Variants in MYOM2 observed in about 807,000 individuals in gnomAD.
MYOM2 encodes myomesin 2.
In MYOM2, 254 loss-of-function variants were observed where a neutral mutation model predicts 187.6. The ratio of observed to expected loss-of-function variants is 1.35; its 90% CI spans 1.22 to 1.50. The LOEUF (loss-of-function observed/expected upper bound fraction) is 1.50, where lower values mean the gene tolerates loss of function less well. MYOM2 is among the 40% of genes most tolerant of loss of function. MYOM2 has a pLI of 0.00. For missense variants in MYOM2, 2,796 were observed against 1,924.0 expected (o/e 1.45, Z -8.48); for synonymous variants, 981 against 753.8 (o/e 1.30, Z -4.94).
At chr8:2,081,064 T>G (rs955391440) in intron 13 of MYOM2, among the ~76,000 whole-genome samples, 1 of 142,070 alleles carries the variant, frequency 7.0e-6, no homozygotes, top group African/African-American at 2.7e-5. Flanking sequence ...AGAATGAGGT[T>G]TGGTTCTGAT....
chr8:2,138,765 A>G (rs1465403616), intron 32 of MYOM2, among the ~76,000 whole-genome samples: 4 of 152,136 alleles, frequency 2.6e-5, no homozygotes, highest in African/African-American at 9.7e-5. Flanking sequence ...TTCTAAAACA[A>G]CCGCACATGG....
At chr8:2,109,305 A>G in intron 24 of MYOM2, 90 bp from the exon 25 acceptor site, 1 of 1,377,230 alleles carries the variant, frequency 7.3e-7, no homozygotes, top group East Asian at 2.4e-5. Flanking sequence ...AAATCTAATA[A>G]CTAGGATTGA....
chr8:2,067,681 G>C (rs1260729076), intron 6 of MYOM2, among the ~76,000 whole-genome samples: 2 of 152,238 alleles, frequency 1.3e-5, no homozygotes, highest in Admixed American at 1.3e-4. Context: ...CCATGGATAT[G>C]GGGAAGCAGA....
intron 19 of MYOM2, chr8:2,100,562 G>T (rs2116775663): frequency 3.0e-6 from 1 of 331,412 alleles, no homozygotes; most frequent in South Asian, 4.7e-5. Context: ...GGTAACTTGA[G>T]AACCTGTCCT....
rs141386924 is a variant in MYOM2, at chr8:2,092,177, C to T, written c.1829-169C>T. Among the ~76,000 whole-genome samples the T allele has an allele frequency of 2.1e-3, 320 of 152,084 alleles. 1 individual carries two copies. Among genetic ancestry groups the T allele is most frequent in the African/African-American group, 7.4e-3 (306 of 41,482 alleles). ...GAGACCAGCACCTCCCAATGGCCCT[C>T]GGGTGGTCGGCCCGGGGCTCCTCTC... On this transcript the variant is annotated intron_variant, in intron 15 of 36. Coordinates refer to ENST00000262113, the MANE Select transcript of MYOM2 (RefSeq NM_003970.4).
chr8:2,102,892 C>G, intron 21 of MYOM2, 111 bp downstream of exon 21: 1 of 815,272 alleles, frequency 1.2e-6, no homozygotes, highest in South Asian at 1.7e-5. Flanking sequence ...AGAGTGAACA[C>G]GTGTTATGTG....
chr8:2,111,665 C>T (rs1250193441), intron 25 of MYOM2, among the ~76,000 whole-genome samples: 4 of 152,216 alleles, frequency 2.6e-5, no homozygotes, highest in Non-Finnish European at 5.9e-5. Flanking sequence ...TCAGGTCCCT[C>T]TCCTGCTCAT....
chr8:2,117,624 C>T (rs138143297), intron 27 of MYOM2, among the ~76,000 whole-genome samples: 1 of 152,276 alleles, frequency 6.6e-6, no homozygotes, highest in African/African-American at 2.4e-5. Flanking sequence ...CAGACGTACG[C>T]TCCTACCAGG....
chr8:2,076,488 G>T, intron 11 of MYOM2: 3 of 631,300 alleles, frequency 4.8e-6, no homozygotes, highest in South Asian at 2.3e-5. Flanking sequence ...ACCACACTGG[G>T]TTTCTTTTTG....
chr8:2,122,519 G>A (rs1055966137), intron 28 of MYOM2, among the ~76,000 whole-genome samples: 1 of 152,214 alleles, frequency 6.6e-6, no homozygotes, highest in Non-Finnish European at 1.5e-5. Flanking sequence ...CAGAGCTGAT[G>A]ACACTGTTGA....
In MYOM2 at chr8:2,094,119, C is replaced by T. The variant is rs752255908; in HGVS notation, c.2125+28C>T. ...AAGTCACTCACAGGCTGTTGTGTGC[C>T]GATTGCTCCCATACACTGTCATTTC... On this transcript the variant is annotated intron_variant, in intron 17 of 36. Transcript: ENST00000262113. 3.0e-5 allele frequency: 48 copies of T among 1,612,896 alleles called. 1 individual carries two copies. Among genetic ancestry groups the T allele is most frequent in the Admixed American group, 5.0e-5 (3 of 59,884 alleles).
chr8:2,127,274 G>T (rs796899750), intron 31 of MYOM2, among the ~76,000 whole-genome samples: 66 of 152,230 alleles, frequency 4.3e-4, no homozygotes, highest in African/African-American at 1.5e-3. Flanking sequence ...CCTGACTGGG[G>T]AGGGGAGATG....
chr8:2,141,902 G>A (rs1008667419), intron 34 of MYOM2, among the ~76,000 whole-genome samples: 2 of 152,090 alleles, frequency 1.3e-5, no homozygotes, highest in East Asian at 1.9e-4. Flanking sequence ...AGGACAATTC[G>A]GGGTTTTCAA....
At chr8:2,113,954 C>T (rs746983739) in intron 25 of MYOM2, among the ~76,000 whole-genome samples, 35 of 152,114 alleles carry the variant, frequency 2.3e-4, no homozygotes, top group Admixed American at 4.6e-4. Context: ...CATTGTCTGG[C>T]GAGACAGACA....
At chr8:2,061,393 G>A (rs373291800) in intron 6 of MYOM2, among the ~76,000 whole-genome samples, 2 of 152,156 alleles carry the variant, frequency 1.3e-5, no homozygotes, top group Admixed American at 6.5e-5. Flanking sequence ...GTTGGGCTCT[G>A]CCTGGCTTCT....
chr8:2,082,017 CTG>C (rs1819647337), intron 13 of MYOM2: 1 of 152,112 alleles, frequency 6.6e-6, no homozygotes, highest in South Asian at 2.1e-4. Flanking sequence ...TTTTCCAAGT[CTG>C]TGTTTATGCG....
intron 19 of MYOM2, among the ~76,000 whole-genome samples, chr8:2,099,359 G>A (rs1281871670): frequency 6.6e-6 from 1 of 152,180 alleles, no homozygotes; most frequent in Non-Finnish European, 1.5e-5. Context: ...GTCACAGGTG[G>A]AGGAGAAGGT....
At chr8:2,098,687 G>A (rs959109857) in intron 18 of MYOM2, among the ~76,000 whole-genome samples, 170 bp from the exon 19 acceptor site, 57 of 152,194 alleles carry the variant, frequency 3.7e-4, no homozygotes, top group African/African-American at 1.3e-3. Flanking sequence ...TCATGCGGCT[G>A]CAGCTCGTCG....
At chr8:2,112,005 C>G (rs188732443) in intron 25 of MYOM2, among the ~76,000 whole-genome samples, 1 of 152,166 alleles carries the variant, frequency 6.6e-6, no homozygotes, top group Non-Finnish European at 1.5e-5. Flanking sequence ...TTTATTCACA[C>G]GTAAACCCTG....
Sources: gnomAD v4.1 joint callset for allele counts (sites outside exome capture counted in the v4.1 genomes callset) on GRCh38, gnomAD v4.1.1 for gene constraint, MANE v1.5 for transcripts, NCBI Gene and HGNC (gene_info 2026-07-23, HGNC 2026-07-21) for gene names.